Variants in ELMO1 observed in about 807,000 individuals in gnomAD.
ELMO1 encodes the protein engulfment and cell motility protein 1.
A neutral mutation model predicts 98.9 loss-of-function variants in ELMO1; 26 were observed. The ratio of observed to expected loss-of-function variants is 0.26; its 90% CI spans 0.19 to 0.36. The LOEUF (loss-of-function observed/expected upper bound fraction) is 0.36. Among genes scored for constraint, ELMO1 ranks in the 10% least tolerant of loss-of-function variants. The pLI is 1.00. For missense variants in ELMO1, 627 were observed against 935.2 expected (o/e 0.67, Z 4.30); for synonymous variants, 346 against 346.0 (o/e 1.00, Z 0.00).
At chr7:37,334,411 A>G (rs1001528147) in intron 2 of ELMO1, among the ~76,000 whole-genome samples, 1 of 152,106 alleles carries the variant, frequency 6.6e-6, no homozygotes, top group Non-Finnish European at 1.5e-5. Flanking sequence ...GCACCATCGC[A>G]CTCCAGCCGG....
intron 16 of ELMO1, among the ~76,000 whole-genome samples, chr7:36,900,850 T>C (rs1460357657): frequency 1.3e-5 from 2 of 152,188 alleles, no homozygotes; most frequent in Non-Finnish European, 2.9e-5. Flanking sequence ...ACCATTTTTC[T>C]TCCCAGGAAT....
intron 16 of ELMO1, among the ~76,000 whole-genome samples, chr7:36,992,539 G>C (rs886709748): frequency 2.0e-5 from 3 of 152,202 alleles, no homozygotes; most frequent in Non-Finnish European, 4.4e-5. Context: ...TCTCAGCTGA[G>C]TCTTGCCAAG....
intron 16 of ELMO1, among the ~76,000 whole-genome samples, chr7:36,902,947 G>A (rs1171472562): frequency 6.6e-6 from 1 of 152,120 alleles, no homozygotes; most frequent in East Asian, 1.9e-4. Flanking sequence ...GACTTCAACT[G>A]TGCCCCTTCC....
intron 4 of ELMO1, among the ~76,000 whole-genome samples, chr7:37,287,407 G>A (rs186521041): frequency 5.8e-4 from 88 of 152,222 alleles, no homozygotes; most frequent in African/African-American, 1.9e-3. Context: ...TAGTCCACAG[G>A]CTATAGTTGC....
chr7:37,413,244 T>TCCTCATCTCTCCAGGAATCTTTCCTTG (rs1804069246), intron 1 of ELMO1, among the ~76,000 whole-genome samples: 5 of 152,096 alleles, frequency 3.3e-5, no homozygotes, highest in Admixed American at 2.6e-4. Flanking sequence ...CACAAGACTT[T>TCCTCATCTCTCCAGGAATCTTTCCTTG]CCTCATCTCT....
intron 14 of ELMO1, among the ~76,000 whole-genome samples, chr7:37,107,632 C>T (rs1785024489): frequency 6.6e-6 from 1 of 152,220 alleles, no homozygotes. Context: ...AGAGGTTTGG[C>T]TTTTGTCTGA....
intron 13 of ELMO1, among the ~76,000 whole-genome samples, chr7:37,155,725 G>A (rs926058355): frequency 2.0e-5 from 3 of 151,960 alleles, no homozygotes; most frequent in African/African-American, 7.3e-5. Flanking sequence ...AATAATAATG[G>A]GAGACTTTAA....
At chr7:36,941,359 G>C (rs1787018407) in intron 16 of ELMO1, among the ~76,000 whole-genome samples, 3 of 152,324 alleles carry the variant, frequency 2.0e-5, no homozygotes, top group South Asian at 4.1e-4. Context: ...CCTTAGATCA[G>C]TGTTTTTCAG....
At position 37,390,324 on chromosome 7, in the gene ELMO1, G is replaced by A. The variant is rs79647987; in HGVS notation, c.-73-47561C>T. Among the ~76,000 whole-genome samples, 37 of 152,314 alleles carry A rather than the reference G, an allele frequency of 2.4e-4. 2 individuals carry two copies. The East Asian group carries it at 6.9e-3, about 29-fold the overall frequency. ...GTATGAACGGTTTCACATGAAGCCC[G>A]CACTCACTGTGCAAGGGAAGGTCTC... On this transcript the variant is annotated intron_variant, in intron 1 of 21. Coordinates refer to ENST00000310758, the MANE Select transcript of ELMO1 (RefSeq NM_014800.11).
At chr7:37,369,776 A>G (rs1802042469) in intron 1 of ELMO1, among the ~76,000 whole-genome samples, 1 of 151,948 alleles carries the variant, frequency 6.6e-6, no homozygotes, top group South Asian at 2.1e-4. Flanking sequence ...AAATTTTAAT[A>G]AAAAAATAGA....
chr7:37,199,347 C>T (rs1792155088), intron 13 of ELMO1, among the ~76,000 whole-genome samples: 1 of 152,144 alleles, frequency 6.6e-6, no homozygotes, highest in Non-Finnish European at 1.5e-5. Context: ...AACATGGTGG[C>T]CCACATCTGT....
chr7:37,026,716 C>T (rs1311147719), intron 15 of ELMO1, among the ~76,000 whole-genome samples: 1 of 152,190 alleles, frequency 6.6e-6, no homozygotes, highest in Non-Finnish European at 1.5e-5. Flanking sequence ...CTGAGTCAAC[C>T]TCCAAAGCCC....
chr7:36,873,332 C>G (rs1803690460), intron 19 of ELMO1, among the ~76,000 whole-genome samples: 1 of 152,148 alleles, frequency 6.6e-6, no homozygotes. Context: ...GCAGGGGGCT[C>G]TTGATGACTT....
At chr7:37,211,545 A>AG in intron 12 of ELMO1, 28 bp from the exon 13 acceptor site, 1 of 1,609,388 alleles carries the variant, frequency 6.2e-7, no homozygotes, top group Non-Finnish European at 8.5e-7. Context: ...TAAAAAGAAA[A>AG]GGGAGGGGAA....
intron 16 of ELMO1, among the ~76,000 whole-genome samples, chr7:36,957,649 A>G (rs1788578133): frequency 6.6e-6 from 1 of 151,652 alleles, no homozygotes; most frequent in African/African-American, 2.4e-5. Flanking sequence ...ATACAGAACC[A>G]TTGCTGAAGT....
At chr7:37,264,798 C>T (rs1008806872) in intron 5 of ELMO1, among the ~76,000 whole-genome samples, 1 of 152,142 alleles carries the variant, frequency 6.6e-6, no homozygotes, top group African/African-American at 2.4e-5. Context: ...GGAAAGGGTA[C>T]TGGTAGTGTG....
chr7:37,011,064 G>C (rs1010188331), intron 16 of ELMO1, among the ~76,000 whole-genome samples: 1 of 152,194 alleles, frequency 6.6e-6, no homozygotes, highest in African/African-American at 2.4e-5. Flanking sequence ...GGCAATAGAG[G>C]TGTGACCCCC....
chr7:37,433,626 T>C (rs1805023743), intron 1 of ELMO1, among the ~76,000 whole-genome samples: 1 of 152,112 alleles, frequency 6.6e-6, no homozygotes, highest in South Asian at 2.1e-4. Context: ...TATGCTCACT[T>C]GTAAGGGAAG....
At chr7:37,048,056 C>G (rs975362854) in intron 15 of ELMO1, among the ~76,000 whole-genome samples, 1 of 152,178 alleles carries the variant, frequency 6.6e-6, no homozygotes, top group Non-Finnish European at 1.5e-5. Context: ...TTGAAATTTA[C>G]AACAAAACAG....
Sources: gnomAD v4.1 joint callset for allele counts (sites outside exome capture counted in the v4.1 genomes callset) on GRCh38, gnomAD v4.1.1 for gene constraint, MANE v1.5 for transcripts, NCBI Gene and HGNC (gene_info 2026-07-23, HGNC 2026-07-21) for gene names.